DLG2: variants seen among roughly 807,000 people sequenced by gnomAD.
DLG2 encodes the protein discs large MAGUK scaffold protein 2, also known as disks large homolog 2.
In DLG2, 45 loss-of-function variants were observed where a neutral mutation model predicts 132.5. That is an observed-to-expected ratio of 0.34 (90% confidence interval 0.27 to 0.44). The LOEUF is 0.44. Ranked by LOEUF, DLG2 falls within the 20% of genes least tolerant of loss-of-function variation. DLG2 has a pLI of 1.00. For synonymous variants in DLG2, 424 were observed against 419.6 expected, an observed-to-expected ratio of 1.01 and a Z score of -0.13; for missense variants, 1,045 against 1,196.9, an observed-to-expected ratio of 0.87 and a Z score of 1.87.
chr11:85,579,231 G>A (rs78616521), intron 3 of DLG2, among the ~76,000 whole-genome samples: 24 of 152,194 alleles, frequency 1.6e-4, no homozygotes, highest in African/African-American at 3.9e-4. Flanking sequence ...GGAGCCTTTC[G>A]AAGGGTGAAG....
chr11:83,708,306 G>T (rs2084543821), intron 18 of DLG2, among the ~76,000 whole-genome samples: 1 of 152,182 alleles, frequency 6.6e-6, no homozygotes, highest in Admixed American at 6.5e-5. Context: ...AATATTTGTT[G>T]AATGTCAGAT....
chr11:83,748,236 G>C (rs557477809), intron 18 of DLG2, among the ~76,000 whole-genome samples: 4 of 152,244 alleles, frequency 2.6e-5, no homozygotes, highest in African/African-American at 9.6e-5. Context: ...TGTTCTCCCA[G>C]GACGATATCA....
At chr11:84,700,696 T>G (rs1247522490) in intron 6 of DLG2, among the ~76,000 whole-genome samples, 1 of 151,632 alleles carries the variant, frequency 6.6e-6, no homozygotes, top group Non-Finnish European at 1.5e-5. Context: ...TATCACTCAG[T>G]GAGTAGGAGT....
intron 7 of DLG2, among the ~76,000 whole-genome samples, chr11:84,488,035 A>C (rs1424750744): frequency 2.0e-5 from 3 of 152,188 alleles, no homozygotes; most frequent in Non-Finnish European, 4.4e-5. Flanking sequence ...TGTAAAGCTC[A>C]AGACATACTA....
intron 6 of DLG2, among the ~76,000 whole-genome samples, chr11:85,016,055 A>C (rs563418779): frequency 1.3e-5 from 2 of 151,598 alleles, no homozygotes; most frequent in Admixed American, 1.3e-4. Flanking sequence ...AATAGAAATT[A>C]AAAAAAAACT....
chr11:83,753,884 CAT>C (rs1201224888), intron 18 of DLG2, among the ~76,000 whole-genome samples: 1 of 18,758 alleles, frequency 5.3e-5, no homozygotes, highest in Non-Finnish European at 7.6e-5. Context: ...TGATATATAT[CAT>C]ATATATCATA....
At chr11:84,371,436 C>T (rs976691322) in intron 7 of DLG2, among the ~76,000 whole-genome samples, 14 of 151,642 alleles carry the variant, frequency 9.2e-5, no homozygotes, top group Admixed American at 1.3e-4. Context: ...TTTGTATAGA[C>T]GGGGTTTTGC....
chr11:85,377,041 G>C (rs1193057844), intron 3 of DLG2, among the ~76,000 whole-genome samples: 8 of 152,042 alleles, frequency 5.3e-5, no homozygotes, highest in Non-Finnish European at 1.0e-4. Context: ...ACCCTTTATG[G>C]ATAATGAATC....
chr11:84,612,810 T>G (rs2099597690), intron 6 of DLG2, among the ~76,000 whole-genome samples: 1 of 152,168 alleles, frequency 6.6e-6, no homozygotes, highest in Non-Finnish European at 1.5e-5. Context: ...GGTTCAATTT[T>G]CACAGATGAC....
intron 14 of DLG2, among the ~76,000 whole-genome samples, chr11:83,960,524 T>A (rs781168973): frequency 6.6e-6 from 1 of 152,078 alleles, no homozygotes; most frequent in Non-Finnish European, 1.5e-5. Flanking sequence ...TTACAAAATA[T>A]ATAATCTCAA....
At chr11:84,709,494 AAT>A (rs2060133469) in intron 6 of DLG2, among the ~76,000 whole-genome samples, 1 of 151,962 alleles carries the variant, frequency 6.6e-6, no homozygotes, top group African/African-American at 2.4e-5. Flanking sequence ...AAACACATTA[AAT>A]ATATCTTATC....
intron 6 of DLG2, among the ~76,000 whole-genome samples, chr11:84,593,450 A>G (rs1029959083): frequency 2.0e-5 from 3 of 152,204 alleles, no homozygotes; most frequent in South Asian, 4.2e-4. Flanking sequence ...ACACCATGGA[A>G]TACTATGCAG....
chr11:85,503,793 A>T (rs2093860856), intron 3 of DLG2, among the ~76,000 whole-genome samples: 1 of 152,022 alleles, frequency 6.6e-6, no homozygotes, highest in Non-Finnish European at 1.5e-5. Flanking sequence ...TTAGTTGGGC[A>T]TGGTGGCACA....
intron 14 of DLG2, among the ~76,000 whole-genome samples, chr11:83,958,438 C>A (rs907336702): frequency 6.6e-6 from 1 of 152,032 alleles, no homozygotes; most frequent in African/African-American, 2.4e-5. Context: ...TAGAGGCAGC[C>A]AGAAAGACAC....
chr11:84,749,790 C>CA (rs1469577750), intron 6 of DLG2, among the ~76,000 whole-genome samples: 3 of 152,128 alleles, frequency 2.0e-5, no homozygotes, highest in Admixed American at 6.6e-5. Flanking sequence ...AAGTTAATCT[C>CA]AGGCCCTTTG....
chr11:83,492,621 T>TCCTC (rs1358954264), intron 21 of DLG2, among the ~76,000 whole-genome samples: 14 of 152,034 alleles, frequency 9.2e-5, no homozygotes, highest in Non-Finnish European at 2.9e-5. Context: ...AAAACCTTGG[T>TCCTC]CCTCCCTCAG....
intron 9 of DLG2, among the ~76,000 whole-genome samples, chr11:84,104,793 A>G (rs1411800447): frequency 6.6e-6 from 1 of 152,082 alleles, no homozygotes; most frequent in African/African-American, 2.4e-5. Context: ...AAAAATTATA[A>G]AGCCCCTAGT....
chr11:85,400,145 A>G (rs1394322891), intron 3 of DLG2, among the ~76,000 whole-genome samples: 1 of 152,218 alleles, frequency 6.6e-6, no homozygotes, highest in Non-Finnish European at 1.5e-5. Context: ...ACTTCTCAAA[A>G]GAAGATATTT....
At chr11:85,230,391 C>T (rs1008858768) in intron 4 of DLG2, among the ~76,000 whole-genome samples, 9 of 150,978 alleles carry the variant, frequency 6.0e-5, no homozygotes, top group African/African-American at 1.9e-4. Context: ...TGTCTTAGTA[C>T]AAGTATGCTG....
Sources: allele counts gnomAD v4.1 joint callset (sites outside exome capture counted in the v4.1 genomes callset), GRCh38; gene constraint gnomAD v4.1.1; transcripts MANE v1.5; gene names NCBI Gene and HGNC (gene_info 2026-07-23, HGNC 2026-07-21).